RIMBP2: variants seen among roughly 807,000 people sequenced by gnomAD.
RIMBP2 encodes RIMS binding protein 2, also known as RIMS-binding protein 2.
A neutral mutation model predicts 118.6 loss-of-function variants in RIMBP2; 48 were observed. The observed-to-expected ratio is 0.40, with a 90% CI of 0.32 to 0.51. The LOEUF is 0.51. Ranked by LOEUF, RIMBP2 falls within the 20% of genes least tolerant of loss-of-function variation. The pLI is 0.41. For synonymous variants in RIMBP2, 762 were observed against 742.9 expected (o/e 1.03, Z -0.42); for missense variants, 1,551 against 1,768.3 (o/e 0.88, Z 2.20).
In RIMBP2 at chr12:130,581,911, C is replaced by G. The variant is rs1368184015; in HGVS notation, c.-217+46411G>C. ...AGTTAAACCAAAGGCCCGAAAGGCT[C>G]TGCATGACCTGGCCTCTCCTCCCTC... On this transcript the variant is annotated intron_variant, in intron 2 of 22. Transcript: ENST00000690449. This position sits in a 1 kb window ranked among gnomAD's most constrained non-coding sequence, Gnocchi z 4.4. Among the ~76,000 whole-genome samples the G allele has an allele frequency of 6.6e-6, 1 of 152,176 alleles. No homozygotes were observed. The highest frequency in any genetic ancestry group is 1.5e-5 in the Non-Finnish European group (1 of 68,038).
intron 1 of RIMBP2, among the ~76,000 whole-genome samples, chr12:130,695,909 C>G (rs1221094233): frequency 6.6e-6 from 1 of 151,874 alleles, no homozygotes; most frequent in Non-Finnish European, 1.5e-5. Flanking sequence ...AGGCTTTATA[C>G]TGCAGCAACT....
intron 2 of RIMBP2, among the ~76,000 whole-genome samples, chr12:130,533,693 T>C (rs2053716107): frequency 1.3e-5 from 2 of 152,042 alleles, no homozygotes; most frequent in South Asian, 4.1e-4. Flanking sequence ...ATAAAGAAAA[T>C]ATGGTATACA....
intron 21 of RIMBP2, among the ~76,000 whole-genome samples, chr12:130,403,146 C>T (rs1176180399): frequency 1.3e-5 from 2 of 152,106 alleles, no homozygotes; most frequent in African/African-American, 2.4e-5. Flanking sequence ...TTTAAGGTTA[C>T]AGATATCAAA....
chr12:130,578,280 G>C lies in RIMBP2; in HGVS notation c.-217+50042C>G, dbSNP rs947458159. 9.2e-5 allele frequency among the ~76,000 whole-genome samples: 14 copies of C among 152,166 alleles called. No homozygotes were observed. The highest frequency in any genetic ancestry group is 4.4e-5 in the Non-Finnish European group (3 of 68,024). ...CTGTTCTCTGCCTCTACTGGCCTCT[G>C]GTCTACCCAATGCCTTCTGCCCCGT... is the stretch of plus-strand genomic sequence containing the variant. On this transcript the variant is annotated intron_variant, in intron 2 of 22. Coordinates refer to ENST00000690449, the MANE Select transcript of RIMBP2 (RefSeq NM_001393629.1). This position sits in a 1 kb window ranked among gnomAD's most constrained non-coding sequence, Gnocchi z 4.1.
chr12:130,707,316 G>A (rs547878472), intron 1 of RIMBP2, among the ~76,000 whole-genome samples: 235 of 152,306 alleles, frequency 1.5e-3, no homozygotes, highest in Admixed American at 3.5e-3. Flanking sequence ...AGGCAACTGG[G>A]AGGAGCAGGG....
At chr12:130,460,426 G>C (rs2137606082) in intron 6 of RIMBP2, among the ~76,000 whole-genome samples, 1 of 152,302 alleles carries the variant, frequency 6.6e-6, no homozygotes, top group African/African-American at 2.4e-5. Flanking sequence ...TAGAAGTCTT[G>C]CTTTGGTATT....
At chr12:130,607,852 C>T (rs551938602) in intron 2 of RIMBP2, among the ~76,000 whole-genome samples, 1 of 152,014 alleles carries the variant, frequency 6.6e-6, no homozygotes, top group African/African-American at 2.4e-5. Flanking sequence ...GTGTTGGGTG[C>T]AAGCATCAGA....
In RIMBP2 at chr12:130,505,939, A is replaced by G. The variant is rs538819183; in HGVS notation, c.-4+709T>C. ...GGAGGTAAAATCACTTCTTGATTTA[A>G]AGAGTATTTGCGGATGCAGCCTAAT... On this transcript the variant is annotated intron_variant, in intron 4 of 22. Coordinates refer to ENST00000690449, the MANE Select transcript of RIMBP2 (RefSeq NM_001393629.1). Among the ~76,000 whole-genome samples, 321 of 147,044 alleles carry G rather than the reference A, an allele frequency of 2.2e-3. 1 individual carries two copies. The highest frequency in any genetic ancestry group is 7.9e-3 in the African/African-American group (310 of 39,378).
intron 3 of RIMBP2, among the ~76,000 whole-genome samples, chr12:130,507,326 A>G (rs554865250): frequency 4.6e-5 from 7 of 152,332 alleles, no homozygotes; most frequent in African/African-American, 1.7e-4. Flanking sequence ...ACCCAAATCA[A>G]GCTGAGCCTG....
At chr12:130,609,072 A>G (rs2060351468) in intron 2 of RIMBP2, among the ~76,000 whole-genome samples, 1 of 152,166 alleles carries the variant, frequency 6.6e-6, no homozygotes, top group Admixed American at 6.5e-5. Flanking sequence ...AGCATCCTCC[A>G]GGTTCATCCA....
Position 130,424,983 on chromosome 12 carries a change from T to A in RIMBP2, c.2413-125A>T, listed in dbSNP as rs896722743. 16 of 470,426 alleles carry A rather than the reference T, an allele frequency of 3.4e-5. No individual in the cohort carries two copies. The highest frequency in any genetic ancestry group is 4.5e-5 in the Admixed American group (1 of 22,200). 29.1% of individuals were successfully genotyped at this position (470,426 alleles called of 1,614,324 possible). A position where few individuals can be genotyped will look rare whatever the true frequency, so the allele number is the denominator to read the frequency against. Reference sequence around the variant, plus strand: ...TGGAGGCACCGAGGGGGGGGAAGCATGCGTCTACTCAGGCCGGGGGCATGC... The same window carrying A: ...TGGAGGCACCGAGGGGGGGGAAGCAAGCGTCTACTCAGGCCGGGGGCATGC... On this transcript the variant is annotated intron_variant, in intron 15 of 22. Transcript: ENST00000690449. This position sits in a 1 kb window ranked among gnomAD's most constrained non-coding sequence, Gnocchi z 9.8.
chr12:130,491,621 G>A (rs566837804), intron 4 of RIMBP2, among the ~76,000 whole-genome samples: 3 of 152,268 alleles, frequency 2.0e-5, no homozygotes, highest in Admixed American at 6.5e-5. Context: ...GGAGTCTCTC[G>A]GTTCCTGGGA....
chr12:130,457,892 T>G (rs1487103330), intron 6 of RIMBP2, among the ~76,000 whole-genome samples: 1 of 151,952 alleles, frequency 6.6e-6, no homozygotes. Context: ...TTCTTGCCAC[T>G]CCTTACTTTA....
chr12:130,497,747 A>G (rs1195261769), intron 4 of RIMBP2, among the ~76,000 whole-genome samples: 1 of 152,224 alleles, frequency 6.6e-6, no homozygotes, highest in Non-Finnish European at 1.5e-5. Flanking sequence ...GGAGAATAAA[A>G]AGCATTTTGT....
intron 6 of RIMBP2, among the ~76,000 whole-genome samples, chr12:130,463,714 C>T (rs59033081): frequency 0.021 from 3,225 of 152,148 alleles, 95 homozygotes; most frequent in East Asian, 0.16. Flanking sequence ...CAAACCACAG[C>T]GACTCCATCT....
At chr12:130,695,288 G>A (rs1015009713) in intron 1 of RIMBP2, among the ~76,000 whole-genome samples, 2 of 152,060 alleles carry the variant, frequency 1.3e-5, no homozygotes, top group African/African-American at 4.8e-5. Flanking sequence ...GCTCCCACGC[G>A]AGCCAGGAGG....
intron 6 of RIMBP2, among the ~76,000 whole-genome samples, chr12:130,468,542 C>T (rs1299749460): frequency 6.6e-6 from 1 of 152,152 alleles, no homozygotes; most frequent in Non-Finnish European, 1.5e-5. Context: ...TTTCAAAGGC[C>T]TGTCTCGGGG....
chr12:130,635,856 G>A (rs556316323), intron 1 of RIMBP2, among the ~76,000 whole-genome samples: 10 of 151,942 alleles, frequency 6.6e-5, no homozygotes, highest in Non-Finnish European at 1.3e-4. Context: ...TCCAGCTTCT[G>A]ACTTCACTCC....
chr12:130,503,355 C>A (rs2049985661), intron 4 of RIMBP2, among the ~76,000 whole-genome samples: 1 of 151,560 alleles, frequency 6.6e-6, no homozygotes, highest in Non-Finnish European at 1.5e-5. Flanking sequence ...GAGATCATGC[C>A]ACTCCACTCC....
Sources: gnomAD v4.1 joint callset for allele counts (sites outside exome capture counted in the v4.1 genomes callset) on GRCh38, gnomAD v4.1.1 for gene constraint, Gnocchi (gnomAD v3.1) non-coding constraint, MANE v1.5 for transcripts, NCBI Gene and HGNC (gene_info 2026-07-23, HGNC 2026-07-21) for gene names.